Variants in ECT2 observed in about 807,000 individuals in gnomAD.
ECT2 encodes epithelial cell transforming 2, also known as protein ECT2.
Under a neutral mutation model 116.9 loss-of-function variants are expected in ECT2, and 61 were observed. The ratio of observed to expected loss-of-function variants is 0.52; its 90% CI spans 0.42 to 0.65. ECT2 has a LOEUF of 0.65. Ranked by LOEUF, ECT2 falls within the 30% of genes least tolerant of loss-of-function variation. ECT2 has a pLI of 0.00. For missense variants in ECT2, 937 were observed against 1,078.7 expected (o/e 0.87, Z 1.84); for synonymous variants, 358 against 346.4 (o/e 1.03, Z -0.37).
intron 22 of ECT2, among the ~76,000 whole-genome samples, chr3:172,808,225 A>C (rs1199969203): frequency 6.6e-6 from 1 of 151,950 alleles, no homozygotes; most frequent in South Asian, 2.1e-4. Flanking sequence ...TTTCATTGAT[A>C]CTCTTAGACA....
At chr3:172,822,116 T>C (rs1730722189), downstream of ECT2, among the ~76,000 whole-genome samples, 1 of 151,964 alleles carries the variant, frequency 6.6e-6, no homozygotes, top group African/African-American at 2.4e-5. Flanking sequence ...GGTCATGCAA[T>C]AGTGTTTTTT....
At chr3:172,816,942 TTAA>T in intron 24 of ECT2, 105 bp downstream of exon 24, 2 of 946,142 alleles carry the variant, frequency 2.1e-6, no homozygotes, top group Middle Eastern at 3.6e-4. Context: ...TAAAAAAATT[TTAA>T]TAATTTTATT....
intron 18 of ECT2, among the ~76,000 whole-genome samples, chr3:172,796,196 T>C (rs986222999): frequency 6.6e-6 from 1 of 152,206 alleles, no homozygotes; most frequent in African/African-American, 2.4e-5. Flanking sequence ...GAGAAAATGA[T>C]GAAAGATCTA....
downstream of ECT2, among the ~76,000 whole-genome samples, chr3:172,826,448 CTT>C (rs1324804311): frequency 6.6e-6 from 1 of 152,198 alleles, no homozygotes; most frequent in Non-Finnish European, 1.5e-5. Flanking sequence ...CCATGAGACT[CTT>C]GAGTGCTTTC....
chr3:172,764,673 A>G (rs1014137274), intron 12 of ECT2, among the ~76,000 whole-genome samples, 173 bp downstream of exon 12: 4 of 152,204 alleles, frequency 2.6e-5, no homozygotes, highest in Non-Finnish European at 4.4e-5. Context: ...TTGCAATTTA[A>G]TGACTGCTTA....
intron 1 of ECT2, among the ~76,000 whole-genome samples, chr3:172,751,915 A>T (rs915720166): frequency 5.3e-5 from 8 of 152,286 alleles, no homozygotes; most frequent in African/African-American, 1.9e-4. Context: ...TCATCAAGTT[A>T]CCGTAGTGCA....
chr3:172,774,541 G>A (rs1225259242), intron 14 of ECT2, among the ~76,000 whole-genome samples: 1 of 151,898 alleles, frequency 6.6e-6, no homozygotes. Flanking sequence ...CCAGGCTAGC[G>A]TGCAGTGGCC....
In ECT2 at chr3:172,786,574, C is replaced by T. The variant is rs145038110; in HGVS notation, c.1907C>T (p.Thr636Met). 411 of 1,593,818 alleles carry T rather than the reference C, an allele frequency of 2.6e-4. 3 individuals carry two copies. In the African/African-American group the frequency reaches 3.8e-3, roughly 15 times the overall value. Reference sequence around the variant, plus strand: ...ATTGGATCACTGAAGGAAGTAATGACGTAAGTGCATTATTTTCAATTTTTG... The same window carrying T: ...ATTGGATCACTGAAGGAAGTAATGATGTAAGTGCATTATTTTCAATTTTTG... Reference protein sequence around the residue: ...KAIGSLKEVMTHINEDKRKTE... With the variant: ...KAIGSLKEVMMHINEDKRKTE... The change falls in exon 18 of 25, where the codon ACG (threonine) becomes ATG (methionine). Residue 636 changes from threonine to methionine, a missense_variant and splice_region_variant. Coordinates refer to ENST00000392692, the MANE Select transcript of ECT2 (RefSeq NM_001258315.2).
chr3:172,819,380 TGTTA>T (rs1730338274), intron 24 of ECT2, among the ~76,000 whole-genome samples: 1 of 152,146 alleles, frequency 6.6e-6, no homozygotes, highest in Non-Finnish European at 1.5e-5. Flanking sequence ...GCATGTTATT[TGTTA>T]GAGTTGTTTT....
downstream of ECT2, among the ~76,000 whole-genome samples, chr3:172,824,900 A>G (rs369449428): frequency 1.2e-4 from 18 of 151,516 alleles, no homozygotes; most frequent in African/African-American, 4.1e-4. Context: ...CAAAAAAACT[A>G]CATGTGGGAT....
chr3:172,752,312 T>C (rs1716032250), intron 1 of ECT2: 1 of 152,060 alleles, frequency 6.6e-6, no homozygotes, highest in Non-Finnish European at 1.5e-5. Flanking sequence ...GTATTTTTAG[T>C]AGAGACGGGG....
At chr3:172,816,366 CTT>C (rs1462399384) in intron 23 of ECT2, among the ~76,000 whole-genome samples, 1 of 152,066 alleles carries the variant, frequency 6.6e-6, no homozygotes, top group Admixed American at 6.6e-5. Context: ...TTCCTTCACT[CTT>C]TCAATAAAGA....
chr3:172,774,641 T>A (rs1410961841), intron 14 of ECT2, among the ~76,000 whole-genome samples: 1 of 152,052 alleles, frequency 6.6e-6, no homozygotes, highest in Admixed American at 6.6e-5. Context: ...TACAGTTGCA[T>A]GCAACCATGC....
downstream of ECT2, among the ~76,000 whole-genome samples, chr3:172,825,277 A>G (rs536757094): frequency 2.6e-5 from 4 of 152,120 alleles, no homozygotes; most frequent in Admixed American, 2.6e-4. Flanking sequence ...GCTGTTCTCC[A>G]GTCTCTCCCT....
At chr3:172,783,667 C>T (rs1723108165) in intron 15 of ECT2, 132 bp from the exon 16 acceptor site, 1 of 608,242 alleles carries the variant, frequency 1.6e-6, no homozygotes, top group East Asian at 3.2e-5. Flanking sequence ...TGTTCTCAAA[C>T]ATAGAAATTT....
intron 20 of ECT2, among the ~76,000 whole-genome samples, 168 bp from the exon 21 acceptor site, chr3:172,805,563 C>T (rs1331539503): frequency 6.6e-6 from 1 of 152,122 alleles, no homozygotes; most frequent in Non-Finnish European, 1.5e-5. Context: ...TATACAATTA[C>T]ATGTTTGACT....
rs897993785 is a variant in ECT2, at chr3:172,796,917, C to T, written c.1908-5699C>T. Among the ~76,000 whole-genome samples, 4 of 152,226 alleles carry T rather than the reference C, an allele frequency of 2.6e-5. No homozygotes were observed. The South Asian group carries it at 8.3e-4, about 32-fold the overall frequency. Reference sequence around the variant, plus strand: ...CAAGTGATCCTCTCACCTCAGCCTCCCACAGTGCTGGAATTGGAGGCATGA... The same window carrying T: ...CAAGTGATCCTCTCACCTCAGCCTCTCACAGTGCTGGAATTGGAGGCATGA... On this transcript the variant is annotated intron_variant, in intron 18 of 24. Transcript: ENST00000392692.
At chr3:172,789,552 C>G (rs1375886435) in intron 18 of ECT2, among the ~76,000 whole-genome samples, 2 of 152,110 alleles carry the variant, frequency 1.3e-5, no homozygotes, top group Non-Finnish European at 2.9e-5. Context: ...TATCAGTTGA[C>G]TTTTCCTTTC....
chr3:172,768,167 G>A (rs1054794757), intron 12 of ECT2, among the ~76,000 whole-genome samples: 1 of 152,064 alleles, frequency 6.6e-6, no homozygotes, highest in East Asian at 1.9e-4. Context: ...GGTTTTTTGT[G>A]GGGGGGCTTC....
Sources: allele counts gnomAD v4.1 joint callset (sites outside exome capture counted in the v4.1 genomes callset), GRCh38; gene constraint gnomAD v4.1.1; transcripts MANE v1.5; gene names NCBI Gene and HGNC (gene_info 2026-07-23, HGNC 2026-07-21).